The following TM9SF4 variants were observed in gnomAD, a reference collection of about 807,000 sequenced individuals.
TM9SF4 encodes dinucleotide oxidase disulfide thiol exchanger 3 superfamily member 4.
A neutral mutation model predicts 90.4 loss-of-function variants in TM9SF4; 26 were observed. That is an observed-to-expected ratio of 0.29 (90% confidence interval 0.21 to 0.40). TM9SF4 has a LOEUF of 0.40. Ranked by LOEUF, TM9SF4 falls within the 10% of genes least tolerant of loss-of-function variation. The probability of loss-of-function intolerance (pLI) is 1.00; values close to 1 mark genes in which losing one functional copy is unlikely to be tolerated. For missense variants in TM9SF4, 549 were observed against 834.8 expected (o/e 0.66, Z 4.22); for synonymous variants, 293 against 315.4 (o/e 0.93, Z 0.75).
At chr20:32,134,453 C>T (rs1007668861) in intron 2 of TM9SF4, among the ~76,000 whole-genome samples, 10 of 152,266 alleles carry the variant, frequency 6.6e-5, no homozygotes, top group South Asian at 4.1e-4. Flanking sequence ...GTTTCACACC[C>T]GGAAAGCTCT....
At chr20:32,111,612 G>A (rs1205523915) in intron 1 of TM9SF4, among the ~76,000 whole-genome samples, 1 of 152,218 alleles carries the variant, frequency 6.6e-6, no homozygotes, top group African/African-American at 2.4e-5. Context: ...TAGATGCTGT[G>A]AGGACAGCAA....
At chr20:32,116,416 G>A (rs958256857) in intron 1 of TM9SF4, 1 of 152,286 alleles carries the variant, frequency 6.6e-6, no homozygotes, top group Non-Finnish European at 1.5e-5. Flanking sequence ...GGAGACAGGA[G>A]AGCAGTACGT....
intron 13 of TM9SF4, among the ~76,000 whole-genome samples, chr20:32,157,387 T>TA (rs1298499727): frequency 6.6e-6 from 1 of 152,240 alleles, no homozygotes; most frequent in African/African-American, 2.4e-5. Context: ...CTTTTTACAC[T>TA]TAATAGTATA....
intron 1 of TM9SF4, among the ~76,000 whole-genome samples, chr20:32,111,302 A>G (rs181316139): frequency 1.6e-4 from 24 of 152,350 alleles, no homozygotes; most frequent in African/African-American, 5.8e-4. Flanking sequence ...TAGTGTAAGA[A>G]CTTAAAAGGA....
chr20:32,132,539 G>C (rs928560960), intron 1 of TM9SF4, among the ~76,000 whole-genome samples: 1 of 152,220 alleles, frequency 6.6e-6, no homozygotes, highest in Non-Finnish European at 1.5e-5. Context: ...TGAGCTGAGC[G>C]AGGAGGAGAG....
rs927495501 is a variant in TM9SF4, at chr20:32,149,636, A to G, written c.957A>G (p.Glu319=). ...IANYNKEDDI[E]DTMEESGWKL... is the part of the protein sequence containing the mutation. The stretch of plus-strand genomic sequence containing the variant: ...CTCACTCTGGCCCTTCGCTGCAGGA[A>G]GACACCATGGAGGAGTCTGGGTGGA... Residue 319 remains glutamate (E), a splice_region_variant and synonymous_variant, in exon 10 of 18, where the codon GAA becomes GAG. Transcript: ENST00000398022. The G allele has an allele frequency of 2.5e-6, 4 of 1,614,090 alleles. No homozygotes were observed. Among genetic ancestry groups the G allele is most frequent in the African/African-American group, 2.7e-5 (2 of 74,924 alleles).
chr20:32,126,907 G>A (rs1367275830), intron 1 of TM9SF4, among the ~76,000 whole-genome samples: 1 of 152,042 alleles, frequency 6.6e-6, no homozygotes, highest in Non-Finnish European at 1.5e-5. Context: ...GCTAATTTTT[G>A]TATTTTTAGT....
rs1209720015 is a variant in TM9SF4, at chr20:32,125,276, A to G, written c.16-7737A>G. 5.3e-5 allele frequency among the ~76,000 whole-genome samples: 8 copies of G among 152,302 alleles called. No individual in the cohort carries two copies. The East Asian group carries it at 1.4e-3, about 26-fold the overall frequency. On this transcript the variant is annotated intron_variant, in intron 1 of 17. Transcript: ENST00000398022. ...CCAAGTGCTCTGTGAACTTTATTTA[A>G]TCTTTACCACCATCACCCTACCATG...
chr20:32,115,806 G>GTTTTTTTTTTTTTTTTTTTTTTTTTTT (rs1243268586), intron 1 of TM9SF4, among the ~76,000 whole-genome samples: 1 of 106,306 alleles, frequency 9.4e-6, no homozygotes. Flanking sequence ...ACCACTTTAA[G>GTTTTTTTTTTTTTTTTTTTTTTTTTTT]CTTTTTTTTT....
intron 1 of TM9SF4, among the ~76,000 whole-genome samples, chr20:32,120,033 A>G (rs1600779185): frequency 6.6e-6 from 1 of 152,284 alleles, no homozygotes; most frequent in East Asian, 1.9e-4. Flanking sequence ...TTCTTACCAC[A>G]CTGTCTTGAT....
rs754652341 is a variant in TM9SF4 at position 32,165,694 on chromosome 20, A to G, written c.*250A>G. The G allele has an allele frequency of 6.1e-6, 3 of 490,854 alleles. No homozygotes were observed. The highest frequency in any genetic ancestry group is 1.1e-5 in the Non-Finnish European group (3 of 271,164). 30.4% of individuals were successfully genotyped at this position (490,854 alleles called of 1,614,324 possible). ...GTTGCTTTTTCTTCAGTGCTAAGAA[A>G]GTTCCCTCCAACAGGAACTCTCTGA... On this transcript the variant is annotated 3_prime_UTR_variant, in exon 18 of 18. Coordinates refer to ENST00000398022, the MANE Select transcript of TM9SF4 (RefSeq NM_014742.4).
intron 5 of TM9SF4, among the ~76,000 whole-genome samples, chr20:32,142,247 A>AC (rs1181021882): frequency 6.6e-6 from 1 of 152,060 alleles, no homozygotes. Flanking sequence ...TGTCTAAGTG[A>AC]CCCTGAGCCT....
intron 1 of TM9SF4, among the ~76,000 whole-genome samples, chr20:32,115,806 G>GTTTTTTTTTTT (rs1243268586): frequency 9.4e-6 from 1 of 106,306 alleles, no homozygotes; most frequent in Non-Finnish European, 1.8e-5. Context: ...ACCACTTTAA[G>GTTTTTTTTTTT]CTTTTTTTTT....
chr20:32,156,937 A>ATTT (rs1244272103), intron 13 of TM9SF4, among the ~76,000 whole-genome samples: 2 of 63,066 alleles, frequency 3.2e-5, no homozygotes, highest in Non-Finnish European at 5.4e-5. Flanking sequence ...TTTCCTGGAC[A>ATTT]TTTTCTTTTT....
chr20:32,114,433 C>T (rs1057247604), intron 1 of TM9SF4, among the ~76,000 whole-genome samples: 4 of 152,196 alleles, frequency 2.6e-5, no homozygotes, highest in African/African-American at 9.7e-5. Context: ...CGGGCTCAGG[C>T]GATCATCTTG....
intron 1 of TM9SF4, among the ~76,000 whole-genome samples, chr20:32,129,264 G>A (rs1206984728): frequency 1.3e-5 from 2 of 152,072 alleles, no homozygotes; most frequent in African/African-American, 2.4e-5. Flanking sequence ...AGGCTGAGGC[G>A]GGAGGATTGC....
intron 1 of TM9SF4, among the ~76,000 whole-genome samples, chr20:32,112,693 C>CAAAAAAAA (rs11406793): frequency 3.3e-5 from 4 of 121,642 alleles, no homozygotes; most frequent in Non-Finnish European, 1.8e-5. Flanking sequence ...GACCCTATCT[C>CAAAAAAAA]AAAAAAAAAA....
At chr20:32,131,631 G>C (rs959519444) in intron 1 of TM9SF4, among the ~76,000 whole-genome samples, 3 of 152,124 alleles carry the variant, frequency 2.0e-5, no homozygotes, top group African/African-American at 7.2e-5. Context: ...CATCTGAAAT[G>C]CAACAGCAGT....
intron 1 of TM9SF4, among the ~76,000 whole-genome samples, chr20:32,128,870 C>T (rs1427115823): frequency 6.7e-6 from 1 of 149,960 alleles, no homozygotes; most frequent in Non-Finnish European, 1.5e-5. Flanking sequence ...TCCCTGAAGG[C>T]TTAGAAAGAA....
Sources: gnomAD v4.1 joint callset for allele counts (sites outside exome capture counted in the v4.1 genomes callset) on GRCh38, gnomAD v4.1.1 for gene constraint, MANE v1.5 for transcripts, NCBI Gene and HGNC (gene_info 2026-07-23, HGNC 2026-07-21) for gene names.